Variants in CEACAM1 observed in about 807,000 individuals in gnomAD.
The protein encoded by CEACAM1 is CEA cell adhesion molecule 1.
Under a neutral mutation model 49.1 loss-of-function variants are expected in CEACAM1, and 31 were observed. That is an observed-to-expected ratio of 0.63 (90% CI 0.47 to 0.85). The LOEUF is 0.85. Ranked by LOEUF, CEACAM1 falls within the 40% of genes least tolerant of loss-of-function variation. The pLI is 0.00. For missense variants in CEACAM1, 570 were observed against 645.3 expected (o/e 0.88, Z 1.26); for synonymous variants, 244 against 247.8 (o/e 0.98, Z 0.14).
intron 8 of CEACAM1, among the ~76,000 whole-genome samples, chr19:42,510,416 TA>T (rs982733110): frequency 5.2e-5 from 5 of 96,390 alleles, no homozygotes; most frequent in African/African-American, 4.4e-4. Context: ...AAATTATTAT[TA>T]AAAAACAGGA....
At position 42,527,784 on chromosome 19, in the gene CEACAM1, C is replaced by G. The variant is rs113989630; in HGVS notation, c.65-384G>C. On this transcript the variant is annotated intron_variant, in intron 1 of 8. Transcript: ENST00000161559. ...TTCCCTCCAGGGCTCTTGTCAACAC[C>G]TGACCTCACATTCTAGATCTCTTTG... 4.6e-4 allele frequency: 96 copies of G among 209,864 alleles called. 1 individual carries two copies. Among genetic ancestry groups the G allele is most frequent in the African/African-American group, 2.1e-3 (91 of 43,290 alleles). 13.0% of individuals were successfully genotyped at this position (209,864 alleles called of 1,614,324 possible). A position where few individuals can be genotyped will look rare whatever the true frequency, so the allele number is the denominator to read the frequency against.
intron 8 of CEACAM1, among the ~76,000 whole-genome samples, chr19:42,510,089 ACTT>A (rs1255666935): frequency 6.6e-5 from 10 of 151,134 alleles, no homozygotes; most frequent in African/African-American, 9.7e-5. Flanking sequence ...TAAAATGAAA[ACTT>A]CTTTTTTTTT....
intron 4 of CEACAM1, chr19:42,519,531 G>A (rs1217081785): frequency 3.3e-6 from 1 of 304,950 alleles, no homozygotes; most frequent in Admixed American, 4.6e-5. Flanking sequence ...CGCACAGACC[G>A]AGCAACCTCA....
intron 2 of CEACAM1, among the ~76,000 whole-genome samples, chr19:42,526,132 A>G (rs928119105): frequency 4.0e-5 from 6 of 151,760 alleles, no homozygotes; most frequent in African/African-American, 1.5e-4. Context: ...ATTTTTTTGT[A>G]TTTTTAGTAG....
chr19:42,515,340 C>G (rs762342273), intron 5 of CEACAM1, among the ~76,000 whole-genome samples: 2 of 151,984 alleles, frequency 1.3e-5, no homozygotes, highest in Non-Finnish European at 2.9e-5. Context: ...TTGAGGAATC[C>G]GAGGCTCAGA....
At chr19:42,521,689 C>T (rs979864408) in intron 3 of CEACAM1, among the ~76,000 whole-genome samples, 168 bp from the exon 4 acceptor site, 2 of 152,220 alleles carry the variant, frequency 1.3e-5, no homozygotes, top group Non-Finnish European at 2.9e-5. Context: ...ACCTGTTTCT[C>T]CCATCACAGG....
At chr19:42,515,085 A>G (rs779471297) in intron 5 of CEACAM1, 59 of 662,254 alleles carry the variant, frequency 8.9e-5, no homozygotes, top group South Asian at 5.1e-4. Context: ...CCTGGGTAAC[A>G]TGGTGAGATT....
Position 42,527,417 on chromosome 19 carries a change from A to C in CEACAM1, c.65-17T>G. 1 of 1,571,394 alleles carries C rather than the reference A, an allele frequency of 6.4e-7. No homozygotes were observed. The highest frequency in any genetic ancestry group is 8.6e-7 in the Non-Finnish European group (1 of 1,159,916). On this transcript the variant is annotated splice_polypyrimidine_tract_variant and intron_variant, in intron 1 of 8. Transcript: ENST00000161559. ...GAAGTGAGGCTAGGAGAGAGGAGAG[A>C]GCATCAGTCAATATTGGGACCTATG...
chr19:42,511,707 G>T, intron 6 of CEACAM1, 79 bp from the exon 7 acceptor site: 2 of 1,383,870 alleles, frequency 1.4e-6, no homozygotes, highest in Non-Finnish European at 2.1e-6. Flanking sequence ...GACACTGTGA[G>T]CAGGTAATTC....
At chr19:42,525,514 C>T (rs1436528259) in intron 2 of CEACAM1, 2 of 152,134 alleles carry the variant, frequency 1.3e-5, no homozygotes, top group East Asian at 3.9e-4. Context: ...AGGTGTGAGC[C>T]ACCACACCTG....
At chr19:42,526,766 G>C (rs905394906) in intron 2 of CEACAM1, among the ~76,000 whole-genome samples, 10 of 152,140 alleles carry the variant, frequency 6.6e-5, no homozygotes, top group Non-Finnish European at 1.2e-4. Context: ...CACCAGGAGG[G>C]TCCCGGGGGG....
At chr19:42,516,165 G>A (rs2041594945) in intron 5 of CEACAM1, among the ~76,000 whole-genome samples, 1 of 151,940 alleles carries the variant, frequency 6.6e-6, no homozygotes, top group Non-Finnish European at 1.5e-5. Context: ...TGTAGTATTG[G>A]AAGACCTAGA....
intron 2 of CEACAM1, 32 bp downstream of exon 2, chr19:42,527,009 C>T: frequency 6.3e-7 from 1 of 1,576,748 alleles, no homozygotes; most frequent in Non-Finnish European, 8.6e-7. Context: ...AACTAACCCC[C>T]CAACACCCAG....
intron 2 of CEACAM1, 33 bp downstream of exon 2, chr19:42,527,008 C>A (rs1178580904): frequency 1.3e-6 from 2 of 1,576,346 alleles, no homozygotes; most frequent in Non-Finnish European, 1.7e-6. Flanking sequence ...GAACTAACCC[C>A]CCAACACCCA....
chr19:42,512,101 A>G (rs1245091718), intron 6 of CEACAM1, among the ~76,000 whole-genome samples: 3 of 152,290 alleles, frequency 2.0e-5, no homozygotes, highest in South Asian at 2.1e-4. Flanking sequence ...ACTAGGGGAC[A>G]GAGGAACATA....
chr19:42,518,372 C>G (rs960693438), intron 5 of CEACAM1: 2 of 155,772 alleles, frequency 1.3e-5, no homozygotes, highest in Non-Finnish European at 2.8e-5. Flanking sequence ...TTTGATCACA[C>G]CACAGCACTC....
intron 5 of CEACAM1, among the ~76,000 whole-genome samples, chr19:42,513,720 A>G (rs2041520197): frequency 6.8e-6 from 1 of 146,586 alleles, no homozygotes; most frequent in Admixed American, 7.0e-5. Context: ...TTTCCCTCAC[A>G]GGCATTTTCC....
chr19:42,518,859 T>C (rs1305388207), intron 5 of CEACAM1, 89 bp downstream of exon 5: 2 of 1,414,118 alleles, frequency 1.4e-6, no homozygotes, highest in Non-Finnish European at 2.0e-6. Flanking sequence ...TTCATTGATA[T>C]TCTGCCTCCT....
intron 5 of CEACAM1, among the ~76,000 whole-genome samples, chr19:42,515,274 A>C (rs1466537519): frequency 6.6e-6 from 1 of 152,170 alleles, no homozygotes; most frequent in Non-Finnish European, 1.5e-5. Flanking sequence ...AAAACAAAAC[A>C]AAAACCCCAA....
Sources: allele counts gnomAD v4.1 joint callset (sites outside exome capture counted in the v4.1 genomes callset), GRCh38; gene constraint gnomAD v4.1.1; transcripts MANE v1.5; gene names NCBI Gene and HGNC (gene_info 2026-07-23, HGNC 2026-07-21).